LRRC58: variants seen among roughly 807,000 people sequenced by gnomAD.
LRRC58 encodes leucine-rich repeat-containing protein 58.
In LRRC58, 18 loss-of-function variants were observed where a neutral mutation model predicts 30.6. The observed-to-expected ratio is 0.59, with a 90% CI of 0.41 to 0.87. The LOEUF (loss-of-function observed/expected upper bound fraction) is 0.87. LRRC58 is among the 40% of genes least tolerant of loss of function. The pLI is 0.00. For missense variants in LRRC58, 420 were observed against 468.4 expected (o/e 0.90, Z 0.95); for synonymous variants, 221 against 206.0 (o/e 1.07, Z -0.62).
At chr3:120,340,945 T>C (rs1576183920) in intron 1 of LRRC58, among the ~76,000 whole-genome samples, 1 of 152,152 alleles carries the variant, frequency 6.6e-6, no homozygotes, top group Non-Finnish European at 1.5e-5. Context: ...AAAAAACGTA[T>C]CTCTGATCGT....
At position 120,334,946 on chromosome 3, in the gene LRRC58, T is replaced by C. The variant is rs777656340; in HGVS notation, c.823A>G (p.Ile275Val). Reference protein sequence around the residue: ...LAARTIKIRNISYTPYDLPGN... With the variant: ...LAARTIKIRNVSYTPYDLPGN... ...GGAAGATCATAGGGAGTGTAGGAAATATTTCGAATCTTAATGGTCCGTGCA... is the reference window on the plus strand; with the variant it reads ...GGAAGATCATAGGGAGTGTAGGAAACATTTCGAATCTTAATGGTCCGTGCA... Residue 275 changes from isoleucine to valine, a missense_variant, in exon 3 of 4, where the codon ATT becomes GTT. Transcript: ENST00000295628. 1.2e-6 allele frequency: 2 copies of C among 1,613,800 alleles called. No homozygotes were observed. Among genetic ancestry groups the C allele is most frequent in the Non-Finnish European group, 1.7e-6 (2 of 1,179,812 alleles).
At chr3:120,339,497 C>CT (rs1425021597) in intron 1 of LRRC58, among the ~76,000 whole-genome samples, 37 of 152,244 alleles carry the variant, frequency 2.4e-4, no homozygotes, top group African/African-American at 8.9e-4. Context: ...GGTTGTTAAT[C>CT]TTTGAGTCCT....
intron 1 of LRRC58, among the ~76,000 whole-genome samples, chr3:120,340,390 G>C (rs34104182): frequency 0.12 from 17,850 of 152,100 alleles, 1,280 homozygotes; most frequent in Admixed American, 0.23. Context: ...ATAATTGTCA[G>C]TTTTAAAACT....
In LRRC58 at chr3:120,327,243, A is replaced by ATT. The variant is rs1465472379; in HGVS notation, c.*3955_*3956dup. Reference sequence around the variant, plus strand: ...TCTTCTAGCCCTGTGGCTTCTAAAGATTTCTTTTTTTTTTTTTTTTTTTTT... The same window carrying ATT: ...TCTTCTAGCCCTGTGGCTTCTAAAGATTTTTCTTTTTTTTTTTTTTTTTTTTT... On this transcript the variant is annotated 3_prime_UTR_variant, in exon 4 of 4. Transcript: ENST00000295628. 1.6e-4 allele frequency: 17 copies of ATT among 109,030 alleles called. No homozygotes were observed. Among genetic ancestry groups the ATT allele is most frequent in the African/African-American group, 6.8e-4 (17 of 25,138 alleles). The allele number at this position is 109,030 out of a possible 1,614,324, so 6.8% of individuals were successfully genotyped here. A position where few individuals can be genotyped will look rare whatever the true frequency, so the allele number is the denominator to read the frequency against.
chr3:120,335,205 A>ATG, intron 2 of LRRC58, 66 bp from the exon 3 acceptor site: 2 of 1,368,588 alleles, frequency 1.5e-6, no homozygotes, highest in South Asian at 2.7e-5. Context: ...TATTGAATAT[A>ATG]TGTGTGTATA....
chr3:120,345,567 CT>C (rs1299072288), intron 1 of LRRC58, among the ~76,000 whole-genome samples: 1 of 152,190 alleles, frequency 6.6e-6, no homozygotes, highest in African/African-American at 2.4e-5. Flanking sequence ...AACCACATAA[CT>C]CTCACTTGTC....
At chr3:120,348,015 C>G (rs1393905283) in intron 1 of LRRC58, among the ~76,000 whole-genome samples, 1 of 152,098 alleles carries the variant, frequency 6.6e-6, no homozygotes, top group East Asian at 1.9e-4. Flanking sequence ...AGAGAAAGTA[C>G]AGCATAGGCT....
rs202190582 is a variant in LRRC58, at chr3:120,335,125, C to T, written c.644G>A (p.Arg215His). 2.0e-5 allele frequency: 32 copies of T among 1,612,006 alleles called. 1 individual carries two copies. The Middle Eastern group carries it at 6.6e-4, about 33-fold the overall frequency. The change falls in exon 3 of 4, where the codon CGT (arginine) becomes CAT (histidine). Residue 215 changes from arginine to histidine, a missense_variant. By Grantham distance (29) the Arg-to-His change is conservative. Around this residue, in one of 2 missense-constraint regions of LRRC58, gnomAD observed 154 missense variants for 216.8 expected, o/e 0.71. Coordinates refer to ENST00000295628, the MANE Select transcript of LRRC58 (RefSeq NM_001099678.2). Reference protein sequence around the residue: ...PPQLSQLHSLRSLSLHNNLLT... With the variant: ...PPQLSQLHSLHSLSLHNNLLT... ...CAAGTTATTGTGAAGACTTAGGGAA[C>T]GAAGTGAATGTAACCTAGAATAAAT... is the stretch of plus-strand genomic sequence containing the variant.
chr3:120,335,355 A>G (rs1442977630), intron 2 of LRRC58, among the ~76,000 whole-genome samples: 1 of 152,244 alleles, frequency 6.6e-6, no homozygotes, highest in Non-Finnish European at 1.5e-5. Flanking sequence ...TGGCGAATTT[A>G]GAATACTTAG....
intron 1 of LRRC58, among the ~76,000 whole-genome samples, chr3:120,342,215 G>C (rs1300125653): frequency 2.0e-5 from 3 of 152,176 alleles, no homozygotes; most frequent in African/African-American, 7.2e-5. Flanking sequence ...TTTGGACCAG[G>C]GTGGGCCTGA....
At chr3:120,342,541 G>T (rs187676592) in intron 1 of LRRC58, among the ~76,000 whole-genome samples, 1 of 152,100 alleles carries the variant, frequency 6.6e-6, no homozygotes, top group Non-Finnish European at 1.5e-5. Context: ...AGAGATATCC[G>T]AATGACTTGC....
In LRRC58 at chr3:120,331,084, C is replaced by T. The variant is rs899729076; in HGVS notation, c.*116G>A. The stretch of plus-strand genomic sequence containing the variant: ...ACAAAATGTTTTATATCATCCCAGA[C>T]TCTTTGATGAACACTTAAGATGAAG... On this transcript the variant is annotated 3_prime_UTR_variant, in exon 4 of 4. Coordinates refer to ENST00000295628, the MANE Select transcript of LRRC58 (RefSeq NM_001099678.2). 128 of 846,830 alleles carry T rather than the reference C, an allele frequency of 1.5e-4. No individual in the cohort carries two copies. The highest frequency in any genetic ancestry group is 2.3e-4 in the Non-Finnish European group (120 of 522,328). 52.5% of individuals were successfully genotyped at this position (846,830 alleles called of 1,614,324 possible).
rs186960035 is a variant in LRRC58, at chr3:120,349,277, C to T, written c.-34G>A. 4,161 of 1,353,668 alleles carry T rather than the reference C, an allele frequency of 3.1e-3. 11 individuals are homozygous for T. Among genetic ancestry groups the T allele is most frequent in the Middle Eastern group, 4.9e-3 (18 of 3,666 alleles). 83.9% of individuals were successfully genotyped at this position (1,353,668 alleles called of 1,614,324 possible). On this transcript the variant is annotated 5_prime_UTR_variant, in exon 1 of 4. Coordinates refer to ENST00000295628, the MANE Select transcript of LRRC58 (RefSeq NM_001099678.2). ...CCGCACGGCGCGTGGCGCCGGATTC[C>T]CCAGAGCGCCGCGCGCGGTCCAGAG...
Position 120,331,214 on chromosome 3 carries a change from C to T in LRRC58, c.1102G>A (p.Val368Ile). ...ASVAARRMQK[V>I]LLG Reference sequence around the variant, plus strand: ...TGCACTCCTGTTCAACCAAGAAGAACTTTCTGCATTCTGCGTGCAGCAACA... The same window carrying T: ...TGCACTCCTGTTCAACCAAGAAGAATTTTCTGCATTCTGCGTGCAGCAACA... The change falls in exon 4 of 4, where the codon GTT becomes ATT. Residue 368 changes from valine to isoleucine, a missense_variant. Physicochemically the swap from Val to Ile is conservative, Grantham distance 29. Coordinates refer to ENST00000295628, the MANE Select transcript of LRRC58 (RefSeq NM_001099678.2). 1 of 1,613,910 alleles carries T rather than the reference C, an allele frequency of 6.2e-7. No individual in the cohort carries two copies.
In LRRC58 at chr3:120,325,927, G is replaced by T. The variant is rs1236033014; in HGVS notation, c.*5273C>A. On this transcript the variant is annotated 3_prime_UTR_variant, in exon 4 of 4. Transcript: ENST00000295628. ...CATGGTAGAGGTTCCCTCCCCAGAAGTCCTAGACTGATACACATTAGGCCA... is the reference window on the plus strand; with the variant it reads ...CATGGTAGAGGTTCCCTCCCCAGAATTCCTAGACTGATACACATTAGGCCA... 1 of 152,130 alleles carries T rather than the reference G, an allele frequency of 6.6e-6. No individual in the cohort carries two copies. Among genetic ancestry groups the T allele is most frequent in the African/African-American group, 2.4e-5 (1 of 41,418 alleles). 9.4% of individuals were successfully genotyped at this position (152,130 alleles called of 1,614,324 possible).
At chr3:120,335,492 C>A (rs533948572) in intron 2 of LRRC58, among the ~76,000 whole-genome samples, 14 of 152,108 alleles carry the variant, frequency 9.2e-5, no homozygotes, top group Non-Finnish European at 1.8e-4. Flanking sequence ...AAATTAAGAT[C>A]CTTCATATTA....
chr3:120,328,609 C>T lies in LRRC58; in HGVS notation c.*2591G>A, dbSNP rs1306488981. 1 of 152,162 alleles carries T rather than the reference C, an allele frequency of 6.6e-6. No homozygotes were observed. The highest frequency in any genetic ancestry group is 1.5e-5 in the Non-Finnish European group (1 of 68,034). The allele number at this position is 152,162 out of a possible 1,614,324, so 9.4% of individuals were successfully genotyped here. ...ATGACTTAAGAACTAAAGAGACAGA[C>T]TTATTTTAAATGCATAGTTAGCTAC... On this transcript the variant is annotated 3_prime_UTR_variant, in exon 4 of 4. Transcript: ENST00000295628.
rs952537430 is a variant in LRRC58 at position 120,324,578 on chromosome 3, T to C, written c.*6622A>G. On this transcript the variant is annotated 3_prime_UTR_variant, in exon 4 of 4. Transcript: ENST00000295628. ...AGTAATCAGGCAAATATCAACATTA[T>C]AGAGACTTTAATATAGAACTGGATT... The C allele has an allele frequency of 6.6e-6, 1 of 152,200 alleles. No individual in the cohort carries two copies. The highest frequency in any genetic ancestry group is 1.5e-5 in the Non-Finnish European group (1 of 68,036). The allele number at this position is 152,200 out of a possible 1,614,324, so 9.4% of individuals were successfully genotyped here. A position where few individuals can be genotyped will look rare whatever the true frequency, so the allele number is the denominator to read the frequency against.
chr3:120,334,896 A>G lies in LRRC58; in HGVS notation c.873T>C (p.Gly291=). The change falls in exon 3 of 4, where the codon GGT becomes GGC. Residue 291 remains glycine, a synonymous_variant. Transcript: ENST00000295628. ...DLPGNLLRYL[G]SASNCPNPKC... ...TTGGGTTTGGGCAATTGCTGGCTGA[A>G]CCCAAGTATCTAAGAAGATTTCCAG... 1 of 1,613,754 alleles carries G rather than the reference A, an allele frequency of 6.2e-7. No individual in the cohort carries two copies. The highest frequency in any genetic ancestry group is 8.5e-7 in the Non-Finnish European group (1 of 1,179,782).
Sources: gnomAD v4.1 joint callset for allele counts (sites outside exome capture counted in the v4.1 genomes callset) on GRCh38, gnomAD v4.1.1 for gene constraint, gnomAD v4.1.1 regional missense constraint, MANE v1.5 for transcripts, NCBI Gene and HGNC (gene_info 2026-07-23, HGNC 2026-07-21) for gene names.